Variants in CACNA1C observed in about 807,000 individuals in gnomAD.
CACNA1C encodes the protein calcium voltage-gated channel subunit alpha1 C.
In CACNA1C, 30 loss-of-function variants were observed where a neutral mutation model predicts 229.0. That is an observed-to-expected ratio of 0.13 (90% CI 0.10 to 0.18). The LOEUF (loss-of-function observed/expected upper bound fraction) is 0.18. CACNA1C is among the 10% of genes least tolerant of loss of function. The pLI is 1.00. For synonymous variants in CACNA1C, 1,114 were observed against 1,132.5 expected (o/e 0.98, Z 0.33); for missense variants, 1,658 against 2,845.0 (o/e 0.58, Z 9.49).
rs1037153673 is a variant in CACNA1C, at chr12:2,685,790, G to A, written c.5628G>A (p.Lys1876=). 1 of 1,613,798 alleles carries A rather than the reference G, an allele frequency of 6.2e-7. No homozygotes were observed. Among genetic ancestry groups the A allele is most frequent in the South Asian group, 1.1e-5 (1 of 91,072 alleles). The change falls in exon 44 of 47, where the codon AAG becomes AAA. Residue 1876 remains lysine (K), a synonymous_variant. Coordinates refer to ENST00000399655, the MANE Select transcript of CACNA1C (RefSeq NM_000719.7). ...NRQLTLPEED[K]RDIRQSPKRG... is the part of the protein sequence containing the mutation. ...AACTGACGCTCCCAGAGGAGGACAAGAGGGACATCCGGCAATCTCCGAAGA... is the reference window on the plus strand; with the variant it reads ...AACTGACGCTCCCAGAGGAGGACAAAAGGGACATCCGGCAATCTCCGAAGA...
chr12:2,282,900 T>G (rs568154877), intron 3 of CACNA1C, among the ~76,000 whole-genome samples: 20 of 152,298 alleles, frequency 1.3e-4, no homozygotes, highest in Non-Finnish European at 2.5e-4. Flanking sequence ...TCTGTTGGCT[T>G]TTCATATTCA....
chr12:2,258,255 G>A lies in CACNA1C; in HGVS notation c.477+137825G>A, dbSNP rs538119035. Among the ~76,000 whole-genome samples the A allele has an allele frequency of 8.5e-5, 13 of 152,302 alleles. No individual in the cohort carries two copies. The South Asian group carries it at 2.5e-3, about 29-fold the overall frequency. ...CTTGTTTCCGCCTCTCAATTTATGA[G>A]ATAATGAGAGTTATGTAATAATTCC... is the stretch of plus-strand genomic sequence containing the variant. On this transcript the variant is annotated intron_variant, in intron 3 of 46. Transcript: ENST00000399655.
chr12:2,503,329 T>A (rs1040628822), intron 7 of CACNA1C, among the ~76,000 whole-genome samples: 1 of 152,210 alleles, frequency 6.6e-6, no homozygotes, highest in African/African-American at 2.4e-5. Context: ...GAAGTTTGGG[T>A]TTCTATGAGC....
chr12:2,450,482 A>G (rs904597649), intron 4 of CACNA1C, among the ~76,000 whole-genome samples: 2 of 129,262 alleles, frequency 1.5e-5, no homozygotes, highest in Non-Finnish European at 3.1e-5. Flanking sequence ...TGAACCCGGG[A>G]GGCGGAGCTT....
At chr12:2,212,067 G>A (rs2154339095) in intron 3 of CACNA1C, among the ~76,000 whole-genome samples, 1 of 152,296 alleles carries the variant, frequency 6.6e-6, no homozygotes. Flanking sequence ...GAGGCCTAGA[G>A]GCAGGAGCTG....
At chr12:2,563,481 A>ATGG in intron 11 of CACNA1C, among the ~76,000 whole-genome samples, 1 of 152,240 alleles carries the variant, frequency 6.6e-6, no homozygotes, top group African/African-American at 2.4e-5. Context: ...CTCACTGGAG[A>ATGG]TGGCCTTCAA....
chr12:2,565,340 G>T (rs542710039), intron 11 of CACNA1C, among the ~76,000 whole-genome samples: 2 of 151,798 alleles, frequency 1.3e-5, no homozygotes, highest in African/African-American at 2.4e-5. Flanking sequence ...GGTGGCGGGC[G>T]CCTGTAGTCC....
At chr12:2,237,316 A>G (rs1164823292) in intron 3 of CACNA1C, among the ~76,000 whole-genome samples, 3 of 152,218 alleles carry the variant, frequency 2.0e-5, no homozygotes, top group African/African-American at 4.8e-5. Context: ...GTGTGGGTTC[A>G]CTTTGTCCAT....
chr12:2,241,237 C>T (rs2070008459), intron 3 of CACNA1C, among the ~76,000 whole-genome samples: 1 of 152,092 alleles, frequency 6.6e-6, no homozygotes, highest in South Asian at 2.1e-4. Context: ...TGTGTATTGT[C>T]ACATAGATGA....
At chr12:2,578,261 G>A (rs963098363) in intron 13 of CACNA1C, among the ~76,000 whole-genome samples, 3 of 152,214 alleles carry the variant, frequency 2.0e-5, no homozygotes, top group Admixed American at 6.5e-5. Context: ...CTCCACTGAC[G>A]TCTGCCAAAG....
At chr12:2,326,226 GATA>G (rs761297834) in intron 3 of CACNA1C, among the ~76,000 whole-genome samples, 6 of 152,214 alleles carry the variant, frequency 3.9e-5, no homozygotes, top group Non-Finnish European at 8.8e-5. Flanking sequence ...TAGTTAGGAG[GATA>G]AAGGTGGACG....
chr12:2,181,983 G>A lies in CACNA1C; in HGVS notation c.477+61553G>A. ...GTGGAGGGTATGGGTTCAATAGGGA[G>A]CTCTTCAGAAATGGAACATGTTGAG... On this transcript the variant is annotated intron_variant, in intron 3 of 46. Coordinates refer to ENST00000399655, the MANE Select transcript of CACNA1C (RefSeq NM_000719.7). This position sits in a 1 kb window ranked among gnomAD's most constrained non-coding sequence, Gnocchi z 4.0. Among the ~76,000 whole-genome samples the A allele has an allele frequency of 6.6e-6, 1 of 151,924 alleles. No individual in the cohort carries two copies. Among genetic ancestry groups the A allele is most frequent in the Admixed American group, 6.5e-5 (1 of 15,268 alleles).
At chr12:2,198,023 G>A (rs914294885) in intron 3 of CACNA1C, among the ~76,000 whole-genome samples, 1 of 152,136 alleles carries the variant, frequency 6.6e-6, no homozygotes, top group African/African-American at 2.4e-5. Flanking sequence ...TTTACTACCG[G>A]AAGGCCCCCG....
At chr12:2,046,808 G>C (rs1192909123) in intron 1 of CACNA1C, among the ~76,000 whole-genome samples, 1 of 152,144 alleles carries the variant, frequency 6.6e-6, no homozygotes, top group Non-Finnish European at 1.5e-5. Context: ...TAACAGCCCA[G>C]TGGGTTAGGT....
chr12:2,180,489 G>T (rs990071318), intron 3 of CACNA1C, among the ~76,000 whole-genome samples: 4 of 152,216 alleles, frequency 2.6e-5, no homozygotes, highest in African/African-American at 9.7e-5. Flanking sequence ...TGGGAGCAGA[G>T]GCTAAAGGAT....
At position 2,152,224 on chromosome 12, in the gene CACNA1C, A is replaced by G. The variant is rs937832975; in HGVS notation, c.477+31794A>G. Among the ~76,000 whole-genome samples the G allele has an allele frequency of 6.6e-6, 1 of 152,242 alleles. No individual in the cohort carries two copies. Among genetic ancestry groups the G allele is most frequent in the African/African-American group, 2.4e-5 (1 of 41,466 alleles). On this transcript the variant is annotated intron_variant, in intron 3 of 46. Coordinates refer to ENST00000399655, the MANE Select transcript of CACNA1C (RefSeq NM_000719.7). This position sits in a 1 kb window ranked among gnomAD's most constrained non-coding sequence, Gnocchi z 4.2. ...CTTGTGACAGAAATGACTGTTACCCAGTGTCTGTTCTCTACCTCTTTCATA... is the reference window on the plus strand; with the variant it reads ...CTTGTGACAGAAATGACTGTTACCCGGTGTCTGTTCTCTACCTCTTTCATA...
In CACNA1C at chr12:2,467,579, CAG is replaced by C. The variant is rs932920653; in HGVS notation, c.757+9877_757+9878del. On this transcript the variant is annotated intron_variant, in intron 5 of 46. Transcript: ENST00000399655. This position sits in a 1 kb window ranked among gnomAD's most constrained non-coding sequence, Gnocchi z 4.6. ...GGGGCAGAGCACCCTGGAGGGCAGC[CAG>C]AGACAGCAGGGGGTGGCGGGGGGCC... 2.0e-5 allele frequency among the ~76,000 whole-genome samples: 3 copies of C among 152,166 alleles called. No homozygotes were observed. Among genetic ancestry groups the C allele is most frequent in the Non-Finnish European group, 2.9e-5 (2 of 68,006 alleles).
intron 3 of CACNA1C, among the ~76,000 whole-genome samples, chr12:2,210,784 A>G (rs1310234300): frequency 1.3e-5 from 2 of 152,172 alleles, no homozygotes; most frequent in African/African-American, 4.8e-5. Context: ...ACCTTTCTTG[A>G]TCATCTGCCA....
chr12:2,333,628 C>T (rs1023377846), intron 3 of CACNA1C, among the ~76,000 whole-genome samples: 5 of 152,136 alleles, frequency 3.3e-5, no homozygotes, highest in Admixed American at 6.5e-5. Context: ...CCTTGTTCTC[C>T]GTCACCTCAC....
Sources: allele counts gnomAD v4.1 joint callset (sites outside exome capture counted in the v4.1 genomes callset), GRCh38; gene constraint gnomAD v4.1.1; non-coding constraint Gnocchi (gnomAD v3.1); transcripts MANE v1.5; gene names NCBI Gene and HGNC (gene_info 2026-07-23, HGNC 2026-07-21).